NCAM2: variants seen among roughly 807,000 people sequenced by gnomAD.
NCAM2 encodes neural cell adhesion molecule 2.
A neutral mutation model predicts 98.1 loss-of-function variants in NCAM2; 30 were observed. The ratio of observed to expected loss-of-function variants is 0.31; its 90% CI spans 0.23 to 0.41. NCAM2 has a LOEUF of 0.41. Among genes scored for constraint, NCAM2 ranks in the 10% least tolerant of loss-of-function variants. The pLI, the probability that NCAM2 is intolerant of heterozygous loss-of-function variation, is 1.00. For synonymous variants in NCAM2, 368 were observed against 342.4 expected (o/e 1.07, Z -0.83); for missense variants, 867 against 1,005.8 (o/e 0.86, Z 1.87).
At chr21:21,250,830 A>G (rs1344473145) in intron 1 of NCAM2, among the ~76,000 whole-genome samples, 2 of 152,238 alleles carry the variant, frequency 1.3e-5, no homozygotes, top group Non-Finnish European at 2.9e-5. Flanking sequence ...ATCCTGGAAT[A>G]TGTAGAATAA....
intron 1 of NCAM2, among the ~76,000 whole-genome samples, chr21:21,265,431 A>G (rs1319159858): frequency 4.7e-4 from 18 of 38,126 alleles, no homozygotes; most frequent in African/African-American, 2.3e-3. Flanking sequence ...ATATGTGTGT[A>G]TATATATTAT....
At chr21:21,460,252 A>C (rs1265349873) in intron 12 of NCAM2, among the ~76,000 whole-genome samples, 1 of 151,912 alleles carries the variant, frequency 6.6e-6, no homozygotes, top group Non-Finnish European at 1.5e-5. Flanking sequence ...TCTGTACTCT[A>C]GTTTTATATT....
chr21:21,453,523 G>T (rs187415251), intron 12 of NCAM2, among the ~76,000 whole-genome samples: 3 of 151,998 alleles, frequency 2.0e-5, no homozygotes, highest in Non-Finnish European at 4.4e-5. Flanking sequence ...TGAAAATCTC[G>T]TAAGTAATTC....
chr21:21,348,370 A>G (rs879389318), intron 8 of NCAM2, among the ~76,000 whole-genome samples: 5 of 152,134 alleles, frequency 3.3e-5, no homozygotes, highest in Non-Finnish European at 7.4e-5. Context: ...ACATGAAATT[A>G]AATACCTAGG....
intron 1 of NCAM2, among the ~76,000 whole-genome samples, chr21:21,142,377 GTTTTTTTTTT>G (rs10686568): frequency 2.8e-5 from 3 of 107,190 alleles, no homozygotes; most frequent in South Asian, 6.1e-4. Context: ...TTTTTTTTAT[GTTTTTTTTTT>G]TTTTTTTTTG....
chr21:21,402,757 CT>C (rs1437436840), intron 9 of NCAM2, among the ~76,000 whole-genome samples: 2 of 152,068 alleles, frequency 1.3e-5, no homozygotes, highest in Non-Finnish European at 2.9e-5. Context: ...TCTTTGTACT[CT>C]TTCTCTTTAT....
intron 1 of NCAM2, among the ~76,000 whole-genome samples, chr21:21,057,616 A>G (rs571067296): frequency 6.6e-6 from 1 of 152,226 alleles, no homozygotes; most frequent in Non-Finnish European, 1.5e-5. Context: ...ATCTGTGCTC[A>G]TAACTTTTCC....
chr21:21,307,337 A>C (rs2073915260), intron 5 of NCAM2, among the ~76,000 whole-genome samples: 1 of 152,142 alleles, frequency 6.6e-6, no homozygotes, highest in South Asian at 2.1e-4. Context: ...CTTCACATAT[A>C]ATGTAAAAAA....
chr21:21,357,205 T>A (rs2075515121), intron 8 of NCAM2, among the ~76,000 whole-genome samples: 1 of 152,120 alleles, frequency 6.6e-6, no homozygotes, highest in Admixed American at 6.5e-5. Context: ...TTTGGCATAT[T>A]TCTTTACACT....
intron 9 of NCAM2, among the ~76,000 whole-genome samples, chr21:21,399,368 T>C (rs1569020394): frequency 6.6e-6 from 1 of 152,180 alleles, no homozygotes; most frequent in Non-Finnish European, 1.5e-5. Flanking sequence ...ACTCTTTCTG[T>C]TATTTGTAGT....
intron 1 of NCAM2, among the ~76,000 whole-genome samples, chr21:21,184,744 T>C (rs1170786410): frequency 2.6e-5 from 4 of 152,166 alleles, no homozygotes; most frequent in African/African-American, 9.6e-5. Flanking sequence ...AGTATTAATA[T>C]TGAAAGAAAT....
intron 8 of NCAM2, among the ~76,000 whole-genome samples, chr21:21,355,158 G>A (rs1288564875): frequency 2.6e-5 from 4 of 151,968 alleles, no homozygotes; most frequent in Non-Finnish European, 4.4e-5. Flanking sequence ...TCGTGACCGG[G>A]CATGGTGGCT....
intron 1 of NCAM2, among the ~76,000 whole-genome samples, chr21:21,161,821 G>A (rs1029599592): frequency 3.3e-5 from 5 of 151,942 alleles, no homozygotes; most frequent in Non-Finnish European, 5.9e-5. Flanking sequence ...GATAATTAAC[G>A]CAGTCGGGCC....
At chr21:21,496,774 C>T (rs1987270466) in intron 15 of NCAM2, among the ~76,000 whole-genome samples, 1 of 151,966 alleles carries the variant, frequency 6.6e-6, no homozygotes, top group South Asian at 2.1e-4. Flanking sequence ...TAATCCATCC[C>T]GAGTTAAGTT....
At chr21:21,085,133 A>G (rs927336788) in intron 1 of NCAM2, among the ~76,000 whole-genome samples, 13 of 152,290 alleles carry the variant, frequency 8.5e-5, no homozygotes, top group African/African-American at 3.1e-4. Flanking sequence ...AAGCCTGTAC[A>G]AAAATCTTGC....
intron 5 of NCAM2, among the ~76,000 whole-genome samples, chr21:21,296,215 G>A (rs927652173): frequency 6.6e-6 from 1 of 151,746 alleles, no homozygotes; most frequent in African/African-American, 2.4e-5. Context: ...TTATGGGGTA[G>A]CTGGATTCAA....
chr21:21,333,878 A>T (rs2074782306), intron 6 of NCAM2, among the ~76,000 whole-genome samples: 3 of 152,144 alleles, frequency 2.0e-5, no homozygotes, highest in African/African-American at 7.2e-5. Context: ...AAACTCTGAA[A>T]TGTCATTTTT....
intron 1 of NCAM2, among the ~76,000 whole-genome samples, chr21:21,092,338 T>C (rs2066030239): frequency 6.6e-6 from 1 of 152,030 alleles, no homozygotes; most frequent in Non-Finnish European, 1.5e-5. Flanking sequence ...TATTTTCATT[T>C]GGGTGGAGTA....
chr21:21,176,469 C>G (rs1282131490), intron 1 of NCAM2, among the ~76,000 whole-genome samples: 1 of 151,964 alleles, frequency 6.6e-6, no homozygotes, highest in Non-Finnish European at 1.5e-5. Context: ...ATTTGGTGTT[C>G]TAACAAATTC....
Sources: allele counts gnomAD v4.1 joint callset (sites outside exome capture counted in the v4.1 genomes callset), GRCh38; gene constraint gnomAD v4.1.1; transcripts MANE v1.5; gene names NCBI Gene and HGNC (gene_info 2026-07-23, HGNC 2026-07-21).